Variants in TMC2 observed in about 807,000 individuals in gnomAD.
TMC2 encodes transmembrane channel like 2.
Under a neutral mutation model 105.9 loss-of-function variants are expected in TMC2, and 102 were observed. The observed-to-expected ratio is 0.96, with a 90% CI of 0.82 to 1.14. The LOEUF is 1.14. Among genes scored for constraint, TMC2 ranks in the 50% most tolerant of loss-of-function variants. The probability of loss-of-function intolerance (pLI) is 0.00; values close to 1 mark genes in which losing one functional copy is unlikely to be tolerated. For missense variants in TMC2, 1,093 were observed against 1,134.3 expected (o/e 0.96, Z 0.52); for synonymous variants, 402 against 422.8 (o/e 0.95, Z 0.60).
In TMC2 at chr20:2,642,822, C is replaced by A. The variant is rs1012456226; in HGVS notation, c.*1471C>A. Among the ~76,000 whole-genome samples, 5 of 152,120 alleles carry A rather than the reference C, an allele frequency of 3.3e-5. No homozygotes were observed. The highest frequency in any genetic ancestry group is 2.6e-4 in the Admixed American group (4 of 15,270). On this transcript the variant is annotated 3_prime_UTR_variant, in exon 20 of 20. Transcript: ENST00000358864. ...CCCAGAGACCCTCTCACCCATGTCT[C>A]TGAGTGTTCTAAAGAGAGTCAGCCA...
intron 5 of TMC2, among the ~76,000 whole-genome samples, chr20:2,577,741 T>C (rs1015127896): frequency 2.6e-5 from 4 of 151,980 alleles, no homozygotes; most frequent in Non-Finnish European, 4.4e-5. Context: ...GGTGAGACCC[T>C]GTCTCTACAA....
At chr20:2,572,094 A>G in intron 4 of TMC2, 85 bp from the exon 5 acceptor site, 1 of 1,001,246 alleles carries the variant, frequency 1.0e-6, no homozygotes, top group Non-Finnish European at 1.6e-6. Context: ...ATAAGCCTTC[A>G]CACATGTGTT....
At position 2,616,435 on chromosome 20, in the gene TMC2, G is replaced by A. The variant is rs2086482549; in HGVS notation, c.1940+231G>A. 6.6e-6 allele frequency among the ~76,000 whole-genome samples: 1 copy of A among 151,248 alleles called. No individual in the cohort carries two copies. The highest frequency in any genetic ancestry group is 6.6e-5 in the Admixed American group (1 of 15,186). On this transcript the variant is annotated intron_variant, in intron 15 of 19. Coordinates refer to ENST00000358864, the MANE Select transcript of TMC2 (RefSeq NM_080751.3). The surrounding 1 kb of genome is among the most constrained non-coding windows in gnomAD (Gnocchi z 4.8). ...AGAGAAAGGGAGAGGGGTTGGTGGA[G>A]GAGAAAAGGAAAAGGAAGGAAGGCA...
chr20:2,636,455 T>C (rs2146271191), intron 18 of TMC2, among the ~76,000 whole-genome samples: 1 of 98,984 alleles, frequency 1.0e-5, no homozygotes, highest in Middle Eastern at 5.1e-3. Flanking sequence ...TTCTGACTGC[T>C]GTCTACACAC....
rs1407621054 is a variant in TMC2 at position 2,613,287 on chromosome 20, AACT to A, written c.1841_1843del (p.Tyr614del). The stretch of plus-strand genomic sequence containing the variant: ...ACGGGCTTGTTTTGTGCGGTTCATG[AACT>A]ACTGCTGGTGCTGGGACTTGGAGGC... On this transcript the variant is annotated inframe_deletion, in exon 14 of 20. Transcript: ENST00000358864. 1.2e-6 allele frequency: 2 copies of A among 1,614,014 alleles called. No homozygotes were observed. The highest frequency in any genetic ancestry group is 1.7e-6 in the Non-Finnish European group (2 of 1,179,982).
chr20:2,635,942 C>A lies in TMC2; in HGVS notation c.2323C>A (p.Leu775Met). 1 of 1,614,132 alleles carries A rather than the reference C, an allele frequency of 6.2e-7. No individual in the cohort carries two copies. ...CTCTTGCAGCTTGGCCATTTACTAC[C>A]TGAACTCAGTTTCCAAAAGCCTTTC... ...ILLMFLAIYYLNSVSKSLSRA... is the reference protein window; with the variant it reads ...ILLMFLAIYYMNSVSKSLSRA... The change falls in exon 18 of 20, where the codon CTG (leucine) becomes ATG (methionine). Residue 775 changes from leucine to methionine, a missense_variant. By Grantham distance (15) the Leu-to-Met change is conservative. Coordinates refer to ENST00000358864, the MANE Select transcript of TMC2 (RefSeq NM_080751.3).
chr20:2,591,730 G>A (rs1165276301), intron 7 of TMC2, among the ~76,000 whole-genome samples: 3 of 150,450 alleles, frequency 2.0e-5, no homozygotes, highest in Admixed American at 2.0e-4. Flanking sequence ...AAAGAAAAGA[G>A]AAAAGAGAAG....
chr20:2,641,407 TCA>T lies in TMC2; in HGVS notation c.*61_*62del. 8.6e-7 allele frequency: 1 copy of T among 1,156,656 alleles called. No homozygotes were observed. Among genetic ancestry groups the T allele is most frequent in the African/African-American group, 1.5e-5 (1 of 65,550 alleles). 71.6% of individuals were successfully genotyped at this position (1,156,656 alleles called of 1,614,324 possible). A position where few individuals can be genotyped will look rare whatever the true frequency, so the allele number is the denominator to read the frequency against. On this transcript the variant is annotated 3_prime_UTR_variant, in exon 20 of 20. Transcript: ENST00000358864. The stretch of plus-strand genomic sequence containing the variant: ...GGGCTGATCCTCAAGTACCCCAGTT[TCA>T]CACATACCAAACCAAGGTTCTCTCC...
intron 16 of TMC2, 139 bp from the exon 17 acceptor site, chr20:2,624,132 A>G (rs919519555): frequency 1.0e-6 from 1 of 972,186 alleles, no homozygotes; most frequent in South Asian, 2.0e-5. Flanking sequence ...CTTGCAGTTC[A>G]TTTGGAGCAG....
rs1367074381 is a variant in TMC2 at position 2,558,584 on chromosome 20, A to G, written c.211A>G (p.Arg71Gly). Residue 71 changes from arginine to glycine, a missense_variant, in exon 3 of 20, where the codon AGG (arginine) becomes GGG (glycine). Arg to Gly is a moderately radical substitution (Grantham distance 125, BLOSUM62 -2). Transcript: ENST00000358864. This position sits in a 1 kb window ranked among gnomAD's most constrained non-coding sequence, Gnocchi z 4.6. ...GGSPSPGSPR[R>G]KQTGRRRHRE... ...CAGCCCAAGCCCGGGGTCTCCCCGG[A>G]GGAAGCAAACAGGGCGCAGGAGACA... The G allele has an allele frequency of 1.3e-6, 2 of 1,554,188 alleles. No individual in the cohort carries two copies. Among genetic ancestry groups the G allele is most frequent in the Non-Finnish European group, 1.7e-6 (2 of 1,148,480 alleles).
At chr20:2,536,795 C>A in intron 1 of TMC2, 140 bp downstream of exon 1, 1 of 852,240 alleles carries the variant, frequency 1.2e-6, no homozygotes, top group Non-Finnish European at 1.9e-6. Flanking sequence ...GTGCGCTGAG[C>A]GACCTCGGCT....
At chr20:2,544,206 G>A (rs766638598) in intron 2 of TMC2, among the ~76,000 whole-genome samples, 3 of 151,766 alleles carry the variant, frequency 2.0e-5, no homozygotes, top group South Asian at 2.1e-4. Flanking sequence ...ATGAGCCAAC[G>A]CACCCAGCCA....
intron 7 of TMC2, among the ~76,000 whole-genome samples, chr20:2,589,325 G>GTGT: frequency 3.5e-5 from 1 of 28,662 alleles, no homozygotes; most frequent in Non-Finnish European, 6.5e-5. Flanking sequence ...TGTGTGTGTG[G>GTGT]AGATGGGGTT....
Position 2,558,213 on chromosome 20 carries a change from T to C in TMC2, c.83-243T>C. On this transcript the variant is annotated intron_variant, in intron 2 of 19. Transcript: ENST00000358864. This position sits in a 1 kb window ranked among gnomAD's most constrained non-coding sequence, Gnocchi z 4.6. ...GCAGGACACCTGTCACAGGAGGTCTTCAAGGGAGACGGGAGGGAGAAGGCC... is the reference window on the plus strand; with the variant it reads ...GCAGGACACCTGTCACAGGAGGTCTCCAAGGGAGACGGGAGGGAGAAGGCC... The C allele has an allele frequency of 1.1e-6, 1 of 919,442 alleles. No individual in the cohort carries two copies. The highest frequency in any genetic ancestry group is 1.7e-5 in the African/African-American group (1 of 59,718). 57.0% of individuals were successfully genotyped at this position (919,442 alleles called of 1,614,324 possible).
rs200923723 is a variant in TMC2, at chr20:2,624,398, T to C, written c.2306+2T>C. Reference sequence around the variant, plus strand: ...CATCCCAGCCATCCTGCTGATGTTGTAAGTTAGCCAGGACCCATGGCTCCA... The same window carrying C: ...CATCCCAGCCATCCTGCTGATGTTGCAAGTTAGCCAGGACCCATGGCTCCA... On this transcript the variant is annotated splice_donor_variant, in intron 17 of 19. Transcript: ENST00000358864. LOFTEE classifies it high-confidence loss of function. The C allele has an allele frequency of 3.7e-6, 6 of 1,613,126 alleles. No individual in the cohort carries two copies. The East Asian group carries it at 1.1e-4, about 30-fold the overall frequency.
chr20:2,584,062 T>A (rs2086213949), intron 7 of TMC2, among the ~76,000 whole-genome samples: 1 of 152,018 alleles, frequency 6.6e-6, no homozygotes. Context: ...GAAGCTGTGC[T>A]TTAGGTTTAC....
chr20:2,582,704 G>A (rs917145237), intron 7 of TMC2, among the ~76,000 whole-genome samples: 5 of 152,150 alleles, frequency 3.3e-5, no homozygotes, highest in African/African-American at 1.2e-4. Context: ...TCAAACTCCT[G>A]ACCTTAAGCG....
intron 19 of TMC2, among the ~76,000 whole-genome samples, chr20:2,638,303 G>A (rs932971860): frequency 3.2e-5 from 4 of 125,832 alleles, no homozygotes; most frequent in Non-Finnish European, 6.7e-5. Flanking sequence ...CTTGCAATGA[G>A]CTGAGATTGT....
chr20:2,614,087 A>G (rs2086463196), intron 14 of TMC2: 1 of 152,070 alleles, frequency 6.6e-6, no homozygotes, highest in Non-Finnish European at 1.5e-5. Context: ...AGTTTTAAAC[A>G]AGTCTGCTGA....
Sources: gnomAD v4.1 joint callset for allele counts (sites outside exome capture counted in the v4.1 genomes callset) on GRCh38, gnomAD v4.1.1 for gene constraint, Gnocchi (gnomAD v3.1) non-coding constraint, MANE v1.5 for transcripts, NCBI Gene and HGNC (gene_info 2026-07-23, HGNC 2026-07-21) for gene names.